The following DDO variants were observed in gnomAD, a reference collection of about 807,000 sequenced individuals.
DDO encodes D-aspartate oxidase, DDO.
In DDO, 16 loss-of-function variants were observed where a neutral mutation model predicts 16.8. The ratio of observed to expected loss-of-function variants is 0.95; its 90% CI spans 0.65 to 1.45. The LOEUF is 1.45. Ranked by LOEUF, DDO falls within the 40% of genes most tolerant of loss-of-function variation. The probability of loss-of-function intolerance (pLI) is 0.00; values close to 1 mark genes in which losing one functional copy is unlikely to be tolerated. For missense variants in DDO, 429 were observed against 420.3 expected (o/e 1.02, Z -0.18); for synonymous variants, 180 against 167.2 (o/e 1.08, Z -0.59).
intron 1 of DDO, among the ~76,000 whole-genome samples, chr6:110,414,005 C>T (rs1773955910): frequency 6.6e-6 from 1 of 152,194 alleles, no homozygotes; most frequent in African/African-American, 2.4e-5. Flanking sequence ...AACTCCTGAC[C>T]TTGTGATCCG....
At position 110,415,219 on chromosome 6, in the gene DDO, C is replaced by T. The variant is rs79321003; in HGVS notation, c.-5+248G>A. The stretch of plus-strand genomic sequence containing the variant: ...CAGCCACCAGTGACCTTATTGACTT[C>T]GCTGTTTCACATCAGCCTCCCATGT... On this transcript the variant is annotated intron_variant, in intron 1 of 4. Transcript: ENST00000368924. 8.5e-4 allele frequency among the ~76,000 whole-genome samples: 129 copies of T among 152,324 alleles called. 1 individual carries two copies. Among genetic ancestry groups the T allele is most frequent in the African/African-American group, 2.8e-3 (118 of 41,568 alleles).
At chr6:110,400,258 T>G (rs1027690886) in intron 4 of DDO, among the ~76,000 whole-genome samples, 1 of 151,798 alleles carries the variant, frequency 6.6e-6, no homozygotes, top group African/African-American at 2.4e-5. Flanking sequence ...AACATTTGAT[T>G]CGGTGTGGAA....
intron 2 of DDO, among the ~76,000 whole-genome samples, chr6:110,411,559 TTAGAAATGTTATAG>T (rs1773859294): frequency 6.6e-6 from 1 of 152,106 alleles, no homozygotes; most frequent in African/African-American, 2.4e-5. Context: ...CTTTGGAATA[TTAGAAATGTTATAG>T]TAGAAATAAA....
chr6:110,404,984 A>G, intron 3 of DDO, 34 bp from the exon 4 acceptor site: 2 of 1,586,072 alleles, frequency 1.3e-6, no homozygotes, highest in South Asian at 2.2e-5. Context: ...TTTTCCTGAA[A>G]TTTGTGAAAT....
intron 4 of DDO, among the ~76,000 whole-genome samples, chr6:110,400,345 G>GGGGGA (rs1243266605): frequency 6.7e-6 from 1 of 150,136 alleles, no homozygotes; most frequent in African/African-American, 2.4e-5. Context: ...GAGCGGGCCG[G>GGGGGA]GGCGGGGACT....
chr6:110,413,784 T>C (rs922235663), intron 1 of DDO, among the ~76,000 whole-genome samples: 2 of 152,116 alleles, frequency 1.3e-5, no homozygotes, highest in Admixed American at 6.6e-5. Flanking sequence ...TCCCTTTTTT[T>C]TCCCCCTGAA....
At chr6:110,390,632 T>C (rs1272080155), downstream of DDO, among the ~76,000 whole-genome samples, 10 of 152,058 alleles carry the variant, frequency 6.6e-5, no homozygotes, top group Non-Finnish European at 2.9e-5. Context: ...CAACACACAA[T>C]AAAAATGCCA....
chr6:110,413,142 CAA>C (rs1464630802), intron 2 of DDO, 147 bp downstream of exon 2: 3 of 969,702 alleles, frequency 3.1e-6, no homozygotes, highest in Non-Finnish European at 4.4e-6. Flanking sequence ...GACCCTGTCT[CAA>C]AAAAAGAGAA....
At chr6:110,399,057 G>A (rs1773387246) in intron 4 of DDO, among the ~76,000 whole-genome samples, 2 of 152,192 alleles carry the variant, frequency 1.3e-5, no homozygotes, top group African/African-American at 2.4e-5. Flanking sequence ...TTCCTGGAAG[G>A]AGCCAGTAAT....
At chr6:110,410,076 C>T (rs907817759) in intron 2 of DDO, among the ~76,000 whole-genome samples, 4 of 152,250 alleles carry the variant, frequency 2.6e-5, no homozygotes, top group Non-Finnish European at 4.4e-5. Context: ...CCCTATGGGA[C>T]AGGCATGGTC....
At chr6:110,398,634 A>G (rs1038180037) in intron 4 of DDO, among the ~76,000 whole-genome samples, 3 of 152,172 alleles carry the variant, frequency 2.0e-5, no homozygotes, top group Admixed American at 6.5e-5. Context: ...CAGGGCAGAC[A>G]TGGCTGGCTA....
chr6:110,395,961 A>C (rs1773275857), intron 4 of DDO, among the ~76,000 whole-genome samples: 1 of 152,146 alleles, frequency 6.6e-6, no homozygotes. Flanking sequence ...TGAACCGAGG[A>C]GGTGGAGGTT....
In DDO at chr6:110,404,890, C is replaced by G. The variant is rs755136198; in HGVS notation, c.342G>C (p.Leu114=). ...CAGCCTCAGTCATCTTTCGAAATCC[C>G]AGAACCACGTCAGCCCAGAATGGCA... ...EEVPFWADVV[L]GFRKMTEAEL... Residue 114 remains leucine, a synonymous_variant, in exon 4 of 5, where the codon CTG becomes CTC. Coordinates refer to ENST00000368924, the MANE Select transcript of DDO (RefSeq NM_001372108.2). 2 of 1,614,200 alleles carry G rather than the reference C, an allele frequency of 1.2e-6. No individual in the cohort carries two copies. Among genetic ancestry groups the G allele is most frequent in the Non-Finnish European group, 8.5e-7 (1 of 1,180,026 alleles).
At chr6:110,406,815 C>T (rs993919054) in intron 3 of DDO, among the ~76,000 whole-genome samples, 12 of 149,774 alleles carry the variant, frequency 8.0e-5, no homozygotes, top group African/African-American at 2.9e-4. Context: ...ACACCTTGAT[C>T]TGGATGGCTT....
At chr6:110,415,424 A>C in intron 1 of DDO, 43 bp downstream of exon 1, 1 of 1,611,598 alleles carries the variant, frequency 6.2e-7, no homozygotes, top group South Asian at 1.1e-5. Flanking sequence ...CTCCCAGAGC[A>C]TGGACGGAAC....
At position 110,392,915 on chromosome 6, in the gene DDO, G is replaced by A. The variant is rs746501007; in HGVS notation, c.886C>T (p.Gln296Ter). Residue 296 changes from glutamine to a stop codon, truncating the protein, a stop_gained, in exon 5 of 5, where the codon CAG (glutamine) becomes TAG (stop). Transcript: ENST00000368924. LOFTEE classifies it high-confidence loss of function. The part of the protein sequence containing the change: ...LQTELLARDG[Q>*]RLPVVHHYGH... ...TAGTGGTGGACTACAGGCAGCCTCT[G>A]TCCATCTCGCGCAAGGAGCTCTGTC... is the stretch of plus-strand genomic sequence containing the variant. 6.2e-7 allele frequency: 1 copy of A among 1,614,246 alleles called. No homozygotes were observed. Among genetic ancestry groups the A allele is most frequent in the Non-Finnish European group, 8.5e-7 (1 of 1,180,048 alleles).
chr6:110,402,468 C>A (rs534573827), intron 4 of DDO, among the ~76,000 whole-genome samples: 2 of 152,232 alleles, frequency 1.3e-5, no homozygotes, highest in Admixed American at 6.5e-5. Flanking sequence ...AGTTCGAGAC[C>A]AGCCTGGCCA....
chr6:110,393,960 T>C (rs1773203890), intron 4 of DDO, among the ~76,000 whole-genome samples: 1 of 152,224 alleles, frequency 6.6e-6, no homozygotes, highest in Non-Finnish European at 1.5e-5. Flanking sequence ...CCAGTACCTG[T>C]AGTCTTTATT....
chr6:110,395,187 C>T (rs1773252914), intron 4 of DDO, among the ~76,000 whole-genome samples: 1 of 152,110 alleles, frequency 6.6e-6, no homozygotes, highest in African/African-American at 2.4e-5. Context: ...AGCTAATTGC[C>T]TTCTTTAATG....
Sources: gnomAD v4.1 joint callset for allele counts (sites outside exome capture counted in the v4.1 genomes callset) on GRCh38, gnomAD v4.1.1 for gene constraint, MANE v1.5 for transcripts, NCBI Gene and HGNC (gene_info 2026-07-23, HGNC 2026-07-21) for gene names.